Variants in DACH2 observed in about 807,000 individuals in gnomAD.
DACH2 encodes dachshund family transcription factor 2.
In DACH2, 17 loss-of-function variants were observed where a neutral mutation model predicts 35.8. The ratio of observed to expected loss-of-function variants is 0.48; its 90% confidence interval spans 0.33 to 0.71. The LOEUF is 0.71. Among genes scored for constraint, DACH2 ranks in the 30% least tolerant of loss-of-function variants. DACH2 has a pLI of 0.02. For missense variants in DACH2, 469 were observed against 472.7 expected (o/e 0.99, Z 0.07); for synonymous variants, 195 against 177.3 (o/e 1.10, Z -0.79).
chrX:86,382,536 T>C (rs1381277380), intron 2 of DACH2, among the ~76,000 whole-genome samples: 4 of 108,929 alleles, frequency 3.7e-5, no homozygotes, highest in African/African-American at 1.0e-4. Flanking sequence ...TATCTGTTAT[T>C]TTCAATGACT....
intron 7 of DACH2, chrX:86,742,856 A>G (rs1302245804): frequency 8.4e-6 from 1 of 118,689 alleles, no homozygotes; most frequent in Non-Finnish European, 1.8e-5. Context: ...TGGATAAATT[A>G]TTTTAATAGT....
intron 2 of DACH2, among the ~76,000 whole-genome samples, chrX:86,400,058 T>A (rs1489153057): frequency 8.9e-6 from 1 of 111,779 alleles, no homozygotes; most frequent in African/African-American, 3.3e-5. Context: ...AGTCCCATAT[T>A]TCTTGGAGGC....
intron 1 of DACH2, among the ~76,000 whole-genome samples, chrX:86,298,388 T>C (rs914402766): frequency 8.9e-6 from 1 of 112,138 alleles, no homozygotes; most frequent in Non-Finnish European, 1.9e-5. Context: ...AACTGACTAA[T>C]ATGAATATTG....
intron 7 of DACH2, among the ~76,000 whole-genome samples, chrX:86,795,612 C>T: frequency 8.9e-6 from 1 of 112,532 alleles, no homozygotes; most frequent in South Asian, 3.7e-4. Flanking sequence ...TATGATACTG[C>T]GTCTGGAATT....
rs575439986 is a variant in DACH2 at position 86,710,636 on chromosome X, G to C, written c.932-3912G>C. 4.5e-5 allele frequency among the ~76,000 whole-genome samples: 5 copies of C among 111,818 alleles called. No individual in the cohort carries two copies. In the South Asian group the frequency reaches 1.9e-3, roughly 42 times the overall value. On this transcript the variant is annotated intron_variant, in intron 5 of 11. Transcript: ENST00000373125. ...TTGGGTTAGGAAGGCAGATTCCAGA[G>C]AGAAGCATTAACATGAGTGAAGGCT...
At chrX:86,696,653 A>T (rs2041070885) in intron 5 of DACH2, among the ~76,000 whole-genome samples, 1 of 111,992 alleles carries the variant, frequency 8.9e-6, no homozygotes, top group Non-Finnish European at 1.9e-5. Flanking sequence ...AGCACAGCTC[A>T]TAAGGAGAAG....
At chrX:86,498,504 T>G (rs1239140248) in intron 2 of DACH2, among the ~76,000 whole-genome samples, 1 of 112,274 alleles carries the variant, frequency 8.9e-6, no homozygotes, top group Non-Finnish European at 1.9e-5. Context: ...TGTTCGTGTT[T>G]TGGAAAGGCA....
At chrX:86,275,829 T>C (rs1217407454) in intron 1 of DACH2, among the ~76,000 whole-genome samples, 1 of 112,171 alleles carries the variant, frequency 8.9e-6, no homozygotes, top group Non-Finnish European at 1.9e-5. Flanking sequence ...GCCTGGCTTA[T>C]TTCACTTAAC....
chrX:86,186,632 A>G lies in DACH2; in HGVS notation c.488+37524A>G, dbSNP rs192066456. On this transcript the variant is annotated intron_variant, in intron 1 of 11. Coordinates refer to ENST00000373125, the MANE Select transcript of DACH2 (RefSeq NM_053281.3). ...AGAGCTATAAAGTGGAAAAAGTCTT[A>G]CATCTCGGCTGCACAGGATTTAATT... Among the ~76,000 whole-genome samples, 16 of 111,641 alleles carry G rather than the reference A, an allele frequency of 1.4e-4. No homozygotes were observed. The East Asian group carries it at 4.5e-3, about 32-fold the overall frequency.
At chrX:86,495,429 C>T (rs1210823002) in intron 2 of DACH2, among the ~76,000 whole-genome samples, 2 of 109,061 alleles carry the variant, frequency 1.8e-5, no homozygotes, top group African/African-American at 6.7e-5. Context: ...TTTAGACTCG[C>T]CACATTTCAA....
chrX:86,439,738 C>T (rs910959882), intron 2 of DACH2, among the ~76,000 whole-genome samples: 5 of 111,290 alleles, frequency 4.5e-5, no homozygotes, highest in African/African-American at 6.5e-5. Flanking sequence ...TATTTTTCTT[C>T]ATTTCTAATT....
intron 1 of DACH2, among the ~76,000 whole-genome samples, chrX:86,310,703 GT>G (rs2034783197): frequency 1.8e-5 from 2 of 111,415 alleles, no homozygotes; most frequent in Non-Finnish European, 3.8e-5. Context: ...CTTGCAAAAA[GT>G]ATGATTGGAA....
intron 1 of DACH2, among the ~76,000 whole-genome samples, chrX:86,264,763 G>T (rs761868359): frequency 1.4e-4 from 16 of 111,605 alleles, no homozygotes; most frequent in Non-Finnish European, 2.8e-4. Context: ...TTGAAAGAGA[G>T]GCCTGGTCGT....
intron 6 of DACH2, among the ~76,000 whole-genome samples, chrX:86,734,500 T>C (rs948705720): frequency 2.0e-4 from 22 of 111,428 alleles, no homozygotes; most frequent in African/African-American, 7.2e-4. Context: ...AATTCTACCC[T>C]GGAATAGGGA....
chrX:86,577,310 T>TA (rs2039447024), intron 3 of DACH2, among the ~76,000 whole-genome samples: 1 of 110,913 alleles, frequency 9.0e-6, no homozygotes, highest in South Asian at 3.8e-4. Context: ...CAGGTTGTTT[T>TA]TAATAGGCTA....
At chrX:86,477,616 T>C (rs1296386498) in intron 2 of DACH2, among the ~76,000 whole-genome samples, 1 of 110,029 alleles carries the variant, frequency 9.1e-6, no homozygotes, top group Non-Finnish European at 1.9e-5. Flanking sequence ...AAAAAATCTA[T>C]TCATCCACTA....
intron 3 of DACH2, among the ~76,000 whole-genome samples, chrX:86,521,602 G>A (rs887715782): frequency 8.9e-6 from 1 of 111,801 alleles, no homozygotes; most frequent in Non-Finnish European, 1.9e-5. Flanking sequence ...TCAATTTTTA[G>A]TCCTTTGCTT....
intron 4 of DACH2, among the ~76,000 whole-genome samples, chrX:86,686,369 G>A (rs1176632401): frequency 9.1e-6 from 1 of 109,836 alleles, no homozygotes; most frequent in African/African-American, 3.3e-5. Flanking sequence ...AGTAGCTGGG[G>A]CTACAGGTGC....
intron 1 of DACH2, among the ~76,000 whole-genome samples, chrX:86,376,072 A>T (rs2035961829): frequency 9.2e-6 from 1 of 109,180 alleles, no homozygotes; most frequent in African/African-American, 3.3e-5. Context: ...AAGGCTAATT[A>T]TGTGTTTTTT....
Sources: gnomAD v4.1 joint callset for allele counts (sites outside exome capture counted in the v4.1 genomes callset) on GRCh38, gnomAD v4.1.1 for gene constraint, MANE v1.5 for transcripts, NCBI Gene and HGNC (gene_info 2026-07-23, HGNC 2026-07-21) for gene names.